The following CSE1L variants were observed in gnomAD, a reference collection of about 807,000 sequenced individuals.
CSE1L encodes exportin-2.
CSE1L carries 24 observed loss-of-function variants against 120.4 expected under a neutral mutation model. The ratio of observed to expected loss-of-function variants is 0.20; its 90% CI spans 0.14 to 0.28. The LOEUF (loss-of-function observed/expected upper bound fraction) is 0.28. Among genes scored for constraint, CSE1L ranks in the 10% least tolerant of loss-of-function variants. The pLI is 1.00. For synonymous variants in CSE1L, 402 were observed against 398.3 expected, an observed-to-expected ratio of 1.01 and a Z score of -0.11; for missense variants, 830 against 1,145.2, an observed-to-expected ratio of 0.72 and a Z score of 3.97.
At chr20:49,050,200 TTTTTATTTTATTTTA>T (rs563854131) in intron 1 of CSE1L, among the ~76,000 whole-genome samples, 7 of 146,540 alleles carry the variant, frequency 4.8e-5, no homozygotes, top group East Asian at 2.0e-4. Flanking sequence ...TATTTATTTA[TTTTTATTTTATTTTA>T]TTTTATTTTA....
chr20:49,075,288 C>G (rs751194808), intron 11 of CSE1L, 30 bp from the exon 12 acceptor site: 1 of 1,532,822 alleles, frequency 6.5e-7, no homozygotes, highest in Non-Finnish European at 8.9e-7. Flanking sequence ...GTTTTTTTTC[C>G]CCATAATATA....
intron 15 of CSE1L, 62 bp downstream of exon 15, chr20:49,084,224 A>G: frequency 6.9e-7 from 1 of 1,456,236 alleles, no homozygotes; most frequent in Non-Finnish European, 9.3e-7. Context: ...CTGGTCAAAG[A>G]TATCTGAATG....
At chr20:49,051,300 C>T (rs559739042) in intron 1 of CSE1L, among the ~76,000 whole-genome samples, 6 of 152,216 alleles carry the variant, frequency 3.9e-5, no homozygotes, top group Non-Finnish European at 8.8e-5. Flanking sequence ...AATCCCAGCA[C>T]TTTGGGAGGC....
chr20:49,096,084 T>C, intron 24 of CSE1L: 1 of 618,424 alleles, frequency 1.6e-6, no homozygotes. Flanking sequence ...AAGTACCTTA[T>C]TCTACATCAT....
intron 17 of CSE1L, 123 bp downstream of exon 17, chr20:49,088,229 A>G (rs1329410044): frequency 1.2e-5 from 8 of 678,796 alleles, no homozygotes; most frequent in African/African-American, 1.8e-5. Flanking sequence ...CTGACCAGCC[A>G]CTAATGGACT....
At chr20:49,071,924 C>T (rs1463331273) in intron 8 of CSE1L, among the ~76,000 whole-genome samples, 3 of 148,260 alleles carry the variant, frequency 2.0e-5, no homozygotes, top group Admixed American at 1.4e-4. Flanking sequence ...GCTGAGATCG[C>T]GCCACTGCAC....
chr20:49,095,044 G>A (rs1433533564), intron 24 of CSE1L, 81 bp downstream of exon 24: 1 of 1,054,112 alleles, frequency 9.5e-7, no homozygotes, highest in Non-Finnish European at 1.4e-6. Context: ...TCTGGTGTCT[G>A]TTTTCATTGG....
intron 6 of CSE1L, 93 bp downstream of exon 6, chr20:49,067,373 T>C (rs1387520759): frequency 3.7e-6 from 3 of 814,246 alleles, no homozygotes; most frequent in Admixed American, 5.5e-5. Flanking sequence ...GAAAGCTTAT[T>C]TGATAGATAA....
At chr20:49,093,773 C>T (rs769806739) in intron 22 of CSE1L, among the ~76,000 whole-genome samples, 3 of 151,760 alleles carry the variant, frequency 2.0e-5, no homozygotes, top group South Asian at 2.1e-4. Flanking sequence ...AAAAATTTGC[C>T]GGGCGTGGTG....
chr20:49,072,131 G>C (rs1012633360), intron 8 of CSE1L, among the ~76,000 whole-genome samples, 155 bp from the exon 9 acceptor site: 4 of 152,230 alleles, frequency 2.6e-5, no homozygotes, highest in Non-Finnish European at 4.4e-5. Flanking sequence ...GAAAGACTTG[G>C]TGAAAAGATT....
chr20:49,068,201 A>C (rs990144545), intron 6 of CSE1L, among the ~76,000 whole-genome samples: 5 of 152,198 alleles, frequency 3.3e-5, no homozygotes, highest in Admixed American at 6.5e-5. Context: ...GACGTAGTTC[A>C]GAATATTAAC....
chr20:49,068,941 C>A (rs2091912907), intron 7 of CSE1L, 119 bp downstream of exon 7: 1 of 696,446 alleles, frequency 1.4e-6, no homozygotes, highest in Non-Finnish European at 2.4e-6. Context: ...AAGGTTTTTT[C>A]TGACTCTATT....
chr20:49,074,961 G>T, intron 11 of CSE1L, 111 bp downstream of exon 11: 7 of 742,394 alleles, frequency 9.4e-6, no homozygotes, highest in Non-Finnish European at 1.5e-5. Context: ...TTTTTTCAGC[G>T]GGCTTTCATT....
Position 49,084,041 on chromosome 20 carries a change from C to A in CSE1L, c.1498C>A (p.Leu500Ile), listed in dbSNP as rs551478981. 6.2e-7 allele frequency: 1 copy of A among 1,613,568 alleles called. No homozygotes were observed. The highest frequency in any genetic ancestry group is 8.5e-7 in the Non-Finnish European group (1 of 1,179,626). Residue 500 changes from leucine (L) to isoleucine (I), a missense_variant, in exon 15 of 25, where the codon CTT (leucine) becomes ATT (isoleucine). This residue lies in a region of CSE1L where 543 missense variants were observed against 640.2 expected (regional missense o/e 0.85). Coordinates refer to ENST00000262982, the MANE Select transcript of CSE1L (RefSeq NM_001316.4). ...IFRNQVPKEH[L>I]LVSIPLLINH... ...TGTTTTTTAGGTGCCAAAAGAACAT[C>A]TTTTAGTCTCGATTCCTCTCTTGAT... is the stretch of plus-strand genomic sequence containing the variant.
At chr20:49,078,047 T>C (rs1441092258) in intron 13 of CSE1L, among the ~76,000 whole-genome samples, 1 of 152,202 alleles carries the variant, frequency 6.6e-6, no homozygotes, top group Non-Finnish European at 1.5e-5. Flanking sequence ...ATGAATGTAT[T>C]GATCTAGATC....
At chr20:49,091,710 A>T (rs1415018685) in intron 21 of CSE1L, among the ~76,000 whole-genome samples, 3 of 152,200 alleles carry the variant, frequency 2.0e-5, no homozygotes, top group Admixed American at 2.0e-4. Flanking sequence ...GATAGAGTGA[A>T]ACCTTCTCAC....
rs1207277829 is a variant in CSE1L, at chr20:49,088,189, G to A, written c.1821+83G>A. 10 of 897,554 alleles carry A rather than the reference G, an allele frequency of 1.1e-5. No individual in the cohort carries two copies. The East Asian group carries it at 2.0e-4, about 18-fold the overall frequency. 55.6% of individuals were successfully genotyped at this position (897,554 alleles called of 1,614,324 possible). ...GCCTCAGAACTCTTTGGCATTACGTGAAGCTTTAGAGAAGGTCTGTGAATT... is the reference window on the plus strand; with the variant it reads ...GCCTCAGAACTCTTTGGCATTACGTAAAGCTTTAGAGAAGGTCTGTGAATT... On this transcript the variant is annotated intron_variant, in intron 17 of 24. Transcript: ENST00000262982.
intron 8 of CSE1L, 127 bp from the exon 9 acceptor site, chr20:49,072,159 A>C: frequency 1.1e-6 from 1 of 943,766 alleles, no homozygotes; most frequent in South Asian, 1.7e-5. Flanking sequence ...GCATAGCTGT[A>C]GTTTACAATA....
At chr20:49,076,399 T>G (rs2091968443) in intron 12 of CSE1L, among the ~76,000 whole-genome samples, 2 of 152,048 alleles carry the variant, frequency 1.3e-5, no homozygotes, top group Non-Finnish European at 2.9e-5. Context: ...TTGGTCAGGC[T>G]GTTCTTGAAC....
Sources: allele counts gnomAD v4.1 joint callset (sites outside exome capture counted in the v4.1 genomes callset), GRCh38; gene constraint gnomAD v4.1.1; regional missense constraint gnomAD v4.1.1; transcripts MANE v1.5; gene names NCBI Gene and HGNC (gene_info 2026-07-23, HGNC 2026-07-21).